The following RCBTB1 variants were observed in gnomAD, a reference collection of about 807,000 sequenced individuals.
RCBTB1 encodes the protein RCC1 and BTB domain-containing protein 1.
In RCBTB1, 46 loss-of-function variants were observed where a neutral mutation model predicts 62.4. The ratio of observed to expected loss-of-function variants is 0.74; its 90% confidence interval spans 0.58 to 0.94. The LOEUF is 0.94. RCBTB1 is among the 40% of genes least tolerant of loss of function. RCBTB1 has a pLI of 0.00. For missense variants in RCBTB1, 565 were observed against 654.9 expected (o/e 0.86, Z 1.50); for synonymous variants, 222 against 245.8 (o/e 0.90, Z 0.91).
Position 49,534,344 on chromosome 13 carries a change from C to G in RCBTB1, c.1456-82G>C, listed in dbSNP as rs78476029. 4,495 of 1,385,496 alleles carry G rather than the reference C, an allele frequency of 3.2e-3. 121 individuals carry two copies. In the African/African-American group the frequency reaches 0.056, roughly 17 times the overall value. The allele number at this position is 1,385,496 out of a possible 1,614,324, so 85.8% of individuals were successfully genotyped here. A position where few individuals can be genotyped will look rare whatever the true frequency, so the allele number is the denominator to read the frequency against. ...ATTACTTCTCTCTGAGCCCTTTACC[C>G]CAAATCTCTCACCCTCCCCCAGAAA... On this transcript the variant is annotated intron_variant, in intron 12 of 12. Coordinates refer to ENST00000378302, the MANE Select transcript of RCBTB1 (RefSeq NM_018191.4).
chr13:49,572,050 G>A (rs1963433737), intron 2 of RCBTB1, among the ~76,000 whole-genome samples: 1 of 152,170 alleles, frequency 6.6e-6, no homozygotes, highest in Non-Finnish European at 1.5e-5. Context: ...GGATCTGCCA[G>A]GTGCAGTGGC....
At chr13:49,560,272 G>A (rs150306444) in intron 4 of RCBTB1, among the ~76,000 whole-genome samples, 188 bp from the exon 5 acceptor site, 30 of 152,304 alleles carry the variant, frequency 2.0e-4, no homozygotes, top group African/African-American at 5.5e-4. Flanking sequence ...ATAGACAGAT[G>A]CAAAATCTTT....
intron 1 of RCBTB1, among the ~76,000 whole-genome samples, chr13:49,581,200 A>G (rs1329940138): frequency 1.3e-5 from 2 of 152,160 alleles, no homozygotes; most frequent in African/African-American, 4.8e-5. Context: ...ACATGAGACG[A>G]CAAAGGAGTG....
chr13:49,551,298 G>C lies in RCBTB1; in HGVS notation c.854+28C>G. ...GCCCCAAGGCCACATCGCACACACA[G>C]TCCCAAGACGTGGCACAGCCAAGTT... On this transcript the variant is annotated intron_variant, in intron 8 of 12. Coordinates refer to ENST00000378302, the MANE Select transcript of RCBTB1 (RefSeq NM_018191.4). 3 of 1,611,422 alleles carry C rather than the reference G, an allele frequency of 1.9e-6. 1 individual carries two copies. Among genetic ancestry groups the C allele is most frequent in the Non-Finnish European group, 2.5e-6 (3 of 1,178,612 alleles).
chr13:49,583,058 T>A (rs1964198640), intron 1 of RCBTB1, among the ~76,000 whole-genome samples: 1 of 152,030 alleles, frequency 6.6e-6, no homozygotes, highest in Admixed American at 6.6e-5. Context: ...GCACCTGTGG[T>A]CCCAGCTACT....
intron 7 of RCBTB1, 64 bp from the exon 8 acceptor site, chr13:49,551,532 T>G: frequency 6.3e-7 from 1 of 1,579,264 alleles, no homozygotes; most frequent in Non-Finnish European, 8.6e-7. Context: ...GAACATCTAC[T>G]TAAAGGCTAT....
chr13:49,548,376 G>A (rs1261478464), intron 9 of RCBTB1, among the ~76,000 whole-genome samples: 3 of 145,706 alleles, frequency 2.1e-5, no homozygotes, highest in African/African-American at 7.7e-5. Context: ...GTAACAGAGT[G>A]AGACTCCGTC....
rs756516573 is a variant in RCBTB1 at position 49,563,779 on chromosome 13, T to C, written c.277+2839A>G. On this transcript the variant is annotated intron_variant, in intron 4 of 12. Coordinates refer to ENST00000378302, the MANE Select transcript of RCBTB1 (RefSeq NM_018191.4). ...TTATATTCATACCACATGATGATGCTCAGATTTGGATTTCACAGCTCTCTT... is the reference window on the plus strand; with the variant it reads ...TTATATTCATACCACATGATGATGCCCAGATTTGGATTTCACAGCTCTCTT... 1.3e-3 allele frequency among the ~76,000 whole-genome samples: 197 copies of C among 152,352 alleles called. 1 individual carries two copies. Among genetic ancestry groups the C allele is most frequent in the Non-Finnish European group, 1.9e-3 (126 of 68,032 alleles).
In RCBTB1 at chr13:49,532,530, T is replaced by C. The variant is rs925445550; in HGVS notation, c.*1592A>G. 5.9e-5 allele frequency: 9 copies of C among 152,622 alleles called. No homozygotes were observed. The highest frequency in any genetic ancestry group is 4.1e-4 in the South Asian group (2 of 4,830). The allele number at this position is 152,622 out of a possible 1,614,324, so 9.5% of individuals were successfully genotyped here. On this transcript the variant is annotated 3_prime_UTR_variant, in exon 13 of 13. Transcript: ENST00000378302. ...AGCTAGTAAGAAAAGTTCTATCATG[T>C]TGTAGAACGAATTCTAACCGACTAA...
rs1536195 is a variant in RCBTB1, at chr13:49,541,533, C to T, written c.1324+143G>A. On this transcript the variant is annotated intron_variant, in intron 11 of 12. Coordinates refer to ENST00000378302, the MANE Select transcript of RCBTB1 (RefSeq NM_018191.4). ...TAACCATAATAACTACACAATACTACTTTTAAAGATACTTACTTCAAATCT... is the reference window on the plus strand; with the variant it reads ...TAACCATAATAACTACACAATACTATTTTTAAAGATACTTACTTCAAATCT... 608,665 of 728,356 alleles carry T rather than the reference C, an allele frequency of 0.84. 254,861 individuals carry two copies. Among genetic ancestry groups the T allele is most frequent in the East Asian group, 0.88 (31,070 of 35,184 alleles). 45.1% of individuals were successfully genotyped at this position (728,356 alleles called of 1,614,324 possible).
In RCBTB1 at chr13:49,566,749, T is replaced by C. The variant is rs376586330; in HGVS notation, c.146A>G (p.Asn49Ser). 134 of 1,611,026 alleles carry C rather than the reference T, an allele frequency of 8.3e-5. No homozygotes were observed. The highest frequency in any genetic ancestry group is 8.9e-5 in the South Asian group (8 of 90,126). ...TCCAGTTCCTAGACAGTTACTATAG[T>C]TCAGTCCAAATACAAAGACCTAGAA... Reference protein sequence around the residue: ...DNDEVFVFGLNYSNCLGTGDN... With the variant: ...DNDEVFVFGLSYSNCLGTGDN... The change falls in exon 4 of 13, where the codon AAC becomes AGC. Residue 49 changes from asparagine to serine, a missense_variant. Coordinates refer to ENST00000378302, the MANE Select transcript of RCBTB1 (RefSeq NM_018191.4).
chr13:49,558,905 C>T (rs1435106916), intron 5 of RCBTB1, among the ~76,000 whole-genome samples: 2 of 152,158 alleles, frequency 1.3e-5, no homozygotes, highest in Admixed American at 6.5e-5. Context: ...ATCACCCCAA[C>T]TCAGTGATTC....
At chr13:49,535,441 T>C (rs1364982810) in intron 12 of RCBTB1, among the ~76,000 whole-genome samples, 9 of 152,168 alleles carry the variant, frequency 5.9e-5, no homozygotes, top group African/African-American at 2.2e-4. Flanking sequence ...ATAGCTTGAC[T>C]TTATTACAAC....
At chr13:49,559,459 A>G (rs930849371) in intron 5 of RCBTB1, among the ~76,000 whole-genome samples, 2 of 152,104 alleles carry the variant, frequency 1.3e-5, no homozygotes, top group African/African-American at 4.8e-5. Context: ...GATCGAGACC[A>G]TCCTGGCTAA....
chr13:49,557,837 TAG>T (rs1293063383), intron 5 of RCBTB1, among the ~76,000 whole-genome samples: 1 of 152,140 alleles, frequency 6.6e-6, no homozygotes, highest in Non-Finnish European at 1.5e-5. Context: ...CACGTTATGC[TAG>T]AGAGAGAGTG....
At chr13:49,536,287 G>C (rs1315626041) in intron 12 of RCBTB1, among the ~76,000 whole-genome samples, 1 of 152,154 alleles carries the variant, frequency 6.6e-6, no homozygotes, top group Non-Finnish European at 1.5e-5. Context: ...GCAGATCTAT[G>C]TAAAAGGAAG....
Position 49,544,767 on chromosome 13 carries a change from A to C in RCBTB1, c.1142T>G (p.Ile381Ser). Residue 381 changes from isoleucine (I) to serine (S), a missense_variant, in exon 10 of 13, where the codon ATT becomes AGT. Ile to Ser is a moderately radical substitution (Grantham distance 142). Transcript: ENST00000378302. ...TTTCAAAACAGCTTTATGGACATGA[A>C]TATATTTTCCATCAATTCGAAACTT... ...DLKFRIDGKY[I>S]HVHKAVLKIR... The C allele has an allele frequency of 6.2e-7, 1 of 1,612,388 alleles. No individual in the cohort carries two copies. Among genetic ancestry groups the C allele is most frequent in the Non-Finnish European group, 8.5e-7 (1 of 1,179,102 alleles).
At chr13:49,555,235 T>G (rs1447318479) in intron 6 of RCBTB1, among the ~76,000 whole-genome samples, 1 of 152,224 alleles carries the variant, frequency 6.6e-6, no homozygotes, top group East Asian at 1.9e-4. Flanking sequence ...ACATTAAATA[T>G]CACGAACAAA....
chr13:49,552,208 C>T lies in RCBTB1; in HGVS notation c.681G>A (p.Val227=). The T allele has an allele frequency of 1.3e-6, 2 of 1,591,314 alleles. No individual in the cohort carries two copies. The highest frequency in any genetic ancestry group is 1.7e-6 in the Non-Finnish European group (2 of 1,167,960). Residue 227 remains valine, a synonymous_variant, in exon 7 of 13, where the codon GTG becomes GTA. Transcript: ENST00000378302. ...TCACACACACGCTGTGCAAAGCTGC[C>T]ACTCTCACAGGGGTCAGCTGGTTGC... ...NNGNQLTPVR[V]AALHSVCVNQ...
Sources: allele counts gnomAD v4.1 joint callset (sites outside exome capture counted in the v4.1 genomes callset), GRCh38; gene constraint gnomAD v4.1.1; transcripts MANE v1.5; gene names NCBI Gene and HGNC (gene_info 2026-07-23, HGNC 2026-07-21).